CFTR: variants seen among roughly 807,000 people sequenced by gnomAD.
CFTR encodes cystic fibrosis transmembrane conductance regulator.
Under a neutral mutation model 171.6 loss-of-function variants are expected in CFTR, and 181 were observed. The observed-to-expected ratio is 1.05, with a 90% CI of 0.93 to 1.19. The LOEUF (loss-of-function observed/expected upper bound fraction) is 1.19. CFTR is among the 50% of genes most tolerant of loss of function. CFTR has a pLI of 0.00. For missense variants in CFTR, 1,968 were observed against 1,734.7 expected (o/e 1.13, Z -2.39); for synonymous variants, 583 against 608.0 (o/e 0.96, Z 0.60).
chr7:117,578,536 G>A (rs980074305), intron 11 of CFTR, among the ~76,000 whole-genome samples: 6 of 152,066 alleles, frequency 3.9e-5, no homozygotes, highest in Non-Finnish European at 1.5e-5. Context: ...CGACTGCATG[G>A]GGAGTCAGCA....
intron 1 of CFTR, among the ~76,000 whole-genome samples, chr7:117,488,547 C>T (rs940168561): frequency 6.6e-6 from 1 of 152,006 alleles, no homozygotes; most frequent in Non-Finnish European, 1.5e-5. Flanking sequence ...TTTAATGTGT[C>T]CTTCAAGGCA....
At chr7:117,614,793 C>A in intron 21 of CFTR, 80 bp downstream of exon 21, 1 of 861,164 alleles carries the variant, frequency 1.2e-6, no homozygotes, top group Non-Finnish European at 2.0e-6. Context: ...TGAGGAAGAA[C>A]TATATACCGT....
intron 23 of CFTR, among the ~76,000 whole-genome samples, chr7:117,651,061 A>C (rs1167306913): frequency 6.6e-6 from 1 of 152,154 alleles, no homozygotes; most frequent in Non-Finnish European, 1.5e-5. Flanking sequence ...GATTTACCTC[A>C]TGAGGTTGAC....
chr7:117,576,177 T>G (rs1791766674), intron 11 of CFTR, among the ~76,000 whole-genome samples: 2 of 152,150 alleles, frequency 1.3e-5, no homozygotes, highest in African/African-American at 4.8e-5. Context: ...TCTGACATAT[T>G]TTTTCTAGGT....
In CFTR at chr7:117,612,040, TATATATATATATAC is replaced by T. The variant is rs1411784174; in HGVS notation, c.3367+246_3367+259del. On this transcript the variant is annotated intron_variant, in intron 20 of 26. Transcript: ENST00000003084. ...ATATATATGTATATATATATATATA[TATATATATATATAC>T]ATATATATATATAGTATTATCCCTG... Among the ~76,000 whole-genome samples the T allele has an allele frequency of 5.0e-3, 377 of 74,970 alleles. 6 individuals carry two copies. The highest frequency in any genetic ancestry group is 6.1e-3 in the African/African-American group (105 of 17,340). 49.2% of individuals were successfully genotyped at this position (74,970 alleles called of 152,430 possible).
At chr7:117,560,307 A>G (rs1369444922) in intron 11 of CFTR, among the ~76,000 whole-genome samples, 1 of 152,118 alleles carries the variant, frequency 6.6e-6, no homozygotes, top group Non-Finnish European at 1.5e-5. Context: ...CAGTATATGG[A>G]TCTTGTGCTG....
intron 1 of CFTR, among the ~76,000 whole-genome samples, chr7:117,496,796 T>C (rs991732004): frequency 6.6e-6 from 1 of 152,198 alleles, no homozygotes; most frequent in Admixed American, 6.6e-5. Flanking sequence ...CTTCCACCAT[T>C]GTGTGAGTGT....
intron 1 of CFTR, among the ~76,000 whole-genome samples, chr7:117,496,981 G>A (rs576734738): frequency 6.6e-6 from 1 of 151,692 alleles, no homozygotes; most frequent in East Asian, 1.9e-4. Context: ...GTCCTTTGAA[G>A]CACAAAAGTA....
chr7:117,608,380 T>C (rs1342732232), intron 18 of CFTR, among the ~76,000 whole-genome samples: 1 of 152,142 alleles, frequency 6.6e-6, no homozygotes, highest in Non-Finnish European at 1.5e-5. Context: ...AATTTTTGTA[T>C]TATTACTAGA....
At chr7:117,611,452 A>C in intron 19 of CFTR, 129 bp from the exon 20 acceptor site, 1 of 690,030 alleles carries the variant, frequency 1.4e-6, no homozygotes, top group South Asian at 1.7e-5. Flanking sequence ...CAGTGTGAAA[A>C]AAAGCTTTTT....
intron 1 of CFTR, among the ~76,000 whole-genome samples, chr7:117,492,281 T>G (rs1798171619): frequency 6.6e-6 from 1 of 152,064 alleles, no homozygotes; most frequent in Admixed American, 6.6e-5. Flanking sequence ...TATTAAAGAA[T>G]TGTCCCTGAA....
intron 12 of CFTR, 93 bp downstream of exon 12, chr7:117,587,926 T>TTATA (rs1791970419): frequency 1.2e-6 from 1 of 814,544 alleles, no homozygotes; most frequent in Non-Finnish European, 2.1e-6. Context: ...TTATATTCTG[T>TTATA]TTCTGGAATT....
At chr7:117,500,309 G>A (rs1203494718) in intron 1 of CFTR, among the ~76,000 whole-genome samples, 2 of 123,284 alleles carry the variant, frequency 1.6e-5, no homozygotes, top group Non-Finnish European at 3.4e-5. Context: ...TTTTTGAGAC[G>A]GAGTTTTGCT....
At chr7:117,505,958 G>A (rs1358522687) in intron 2 of CFTR, among the ~76,000 whole-genome samples, 1 of 152,136 alleles carries the variant, frequency 6.6e-6, no homozygotes, top group South Asian at 2.1e-4. Context: ...CACTTGGTGT[G>A]TGCAAATGCC....
Position 117,625,011 on chromosome 7 carries a change from A to G in CFTR, c.3469-2511A>G, listed in dbSNP as rs899593742. Among the ~76,000 whole-genome samples, 3 of 152,296 alleles carry G rather than the reference A, an allele frequency of 2.0e-5. No individual in the cohort carries two copies. The East Asian group carries it at 5.8e-4, about 29-fold the overall frequency. On this transcript the variant is annotated intron_variant, in intron 21 of 26. Transcript: ENST00000003084. ...ACAAGGAATTGGTTAGTAATTCATA[A>G]TGTTAGCTGTCCACATCTATTCAGT...
In CFTR at chr7:117,614,596, CT is replaced by C. The variant is rs1584824146; in HGVS notation, c.3368-13del. On this transcript the variant is annotated splice_polypyrimidine_tract_variant and intron_variant, in intron 20 of 26. Transcript: ENST00000003084. Reference sequence around the variant, plus strand: ...GAAATAACATGAGGTTCATTTACGTCTTTTGTGCATCTATAGGAGAAGGAGA... The same window carrying C: ...GAAATAACATGAGGTTCATTTACGTCTTTGTGCATCTATAGGAGAAGGAGA... 22 of 1,532,338 alleles carry C rather than the reference CT, an allele frequency of 1.4e-5. 1 individual carries two copies. The East Asian group carries it at 5.0e-4, about 35-fold the overall frequency. 94.9% of individuals were successfully genotyped at this position (1,532,338 alleles called of 1,614,324 possible). A position where few individuals can be genotyped will look rare whatever the true frequency, so the allele number is the denominator to read the frequency against.
At chr7:117,633,363 T>G (rs1792779635) in intron 22 of CFTR, among the ~76,000 whole-genome samples, 1 of 152,178 alleles carries the variant, frequency 6.6e-6, no homozygotes, top group Non-Finnish European at 1.5e-5. Flanking sequence ...GCCTTATATC[T>G]TTCAACTTTG....
chr7:117,546,760 C>T (rs1799154003), intron 9 of CFTR, among the ~76,000 whole-genome samples: 1 of 152,150 alleles, frequency 6.6e-6, no homozygotes, highest in African/African-American at 2.4e-5. Context: ...TCTGATCCAG[C>T]CACTCACACC....
At chr7:117,579,108 T>G (rs1427719123) in intron 11 of CFTR, among the ~76,000 whole-genome samples, 1 of 152,042 alleles carries the variant, frequency 6.6e-6, no homozygotes, top group Non-Finnish European at 1.5e-5. Context: ...AACTATTTGA[T>G]TCATAATAGT....
Sources: allele counts gnomAD v4.1 joint callset (sites outside exome capture counted in the v4.1 genomes callset), GRCh38; gene constraint gnomAD v4.1.1; transcripts MANE v1.5; gene names NCBI Gene and HGNC (gene_info 2026-07-23, HGNC 2026-07-21).